The following RGS7BP variants were observed in gnomAD, a reference collection of about 807,000 sequenced individuals.
RGS7BP encodes regulator of G protein signaling 7-binding protein.
In RGS7BP, 9 loss-of-function variants were observed where a neutral mutation model predicts 31.3. That is an observed-to-expected ratio of 0.29 (90% CI 0.17 to 0.50). RGS7BP has a LOEUF of 0.50. Among genes scored for constraint, RGS7BP ranks in the 20% least tolerant of loss-of-function variants. The pLI is 0.98. For synonymous variants in RGS7BP, 115 were observed against 120.1 expected, an observed-to-expected ratio of 0.96 and a Z score of 0.28; for missense variants, 274 against 322.0, an observed-to-expected ratio of 0.85 and a Z score of 1.14.
At chr5:64,532,620 A>G (rs998395645) in intron 2 of RGS7BP, among the ~76,000 whole-genome samples, 1 of 152,246 alleles carries the variant, frequency 6.6e-6, no homozygotes, top group Admixed American at 6.5e-5. Flanking sequence ...TGGTGAAAGT[A>G]AAAGCATCAG....
At chr5:64,594,640 T>C (rs1743013574) in intron 3 of RGS7BP, 70 bp from the exon 4 acceptor site, 1 of 1,482,890 alleles carries the variant, frequency 6.7e-7, no homozygotes, top group African/African-American at 1.4e-5. Context: ...AGCACTGACA[T>C]CCTGCATATA....
chr5:64,553,052 T>TTTA (rs1741832948), intron 2 of RGS7BP, among the ~76,000 whole-genome samples: 1 of 152,160 alleles, frequency 6.6e-6, no homozygotes, highest in Admixed American at 6.5e-5. Context: ...CAGTCCTTAT[T>TTTA]AATGAACCTC....
At chr5:64,520,210 A>G (rs1307930758) in intron 2 of RGS7BP, among the ~76,000 whole-genome samples, 1 of 152,164 alleles carries the variant, frequency 6.6e-6, no homozygotes, top group Non-Finnish European at 1.5e-5. Context: ...TCTTGCCACC[A>G]TATTGGGCTG....
rs530090802 is a variant in RGS7BP at position 64,545,177 on chromosome 5, G to GA, written c.333-30583dup. Among the ~76,000 whole-genome samples the GA allele has an allele frequency of 3.8e-3, 499 of 129,724 alleles. 2 individuals carry two copies. Among genetic ancestry groups the GA allele is most frequent in the South Asian group, 0.017 (67 of 4,004 alleles). 85.1% of individuals were successfully genotyped at this position (129,724 alleles called of 152,430 possible). On this transcript the variant is annotated intron_variant, in intron 2 of 5. Transcript: ENST00000334025. Reference sequence around the variant, plus strand: ...GGTGACAGAGTGAGACAATGTCTTTGAAAAAAAAAAAAAACTCATAGGTAG... The same window carrying GA: ...GGTGACAGAGTGAGACAATGTCTTTGAAAAAAAAAAAAAAACTCATAGGTAG...
chr5:64,518,305 T>C (rs1447885275), intron 2 of RGS7BP, among the ~76,000 whole-genome samples: 2 of 151,278 alleles, frequency 1.3e-5, no homozygotes, highest in Non-Finnish European at 2.9e-5. Flanking sequence ...CTAGGTGCGG[T>C]AGATACAACA....
intron 2 of RGS7BP, among the ~76,000 whole-genome samples, chr5:64,554,830 G>T (rs1415532775): frequency 6.6e-6 from 1 of 151,882 alleles, no homozygotes; most frequent in Admixed American, 6.6e-5. Flanking sequence ...TGAGACAAAA[G>T]AGTATGTAAA....
intron 2 of RGS7BP, among the ~76,000 whole-genome samples, chr5:64,508,296 T>C (rs2111866454): frequency 6.6e-6 from 1 of 152,276 alleles, no homozygotes; most frequent in Admixed American, 6.5e-5. Context: ...ACTAAACTAT[T>C]TATACCATGA....
intron 2 of RGS7BP, among the ~76,000 whole-genome samples, chr5:64,508,553 C>G (rs1356165334): frequency 6.6e-6 from 1 of 152,178 alleles, no homozygotes; most frequent in African/African-American, 2.4e-5. Flanking sequence ...GAAAACTTCT[C>G]TCTTGGGACC....
chr5:64,519,067 A>G (rs1178963825), intron 2 of RGS7BP, among the ~76,000 whole-genome samples: 1 of 152,190 alleles, frequency 6.6e-6, no homozygotes. Flanking sequence ...TCTGCTGAGA[A>G]CACAAATTTC....
At chr5:64,523,397 A>G (rs1217899296) in intron 2 of RGS7BP, among the ~76,000 whole-genome samples, 1 of 152,202 alleles carries the variant, frequency 6.6e-6, no homozygotes. Flanking sequence ...CATGTGAAAT[A>G]CCACTATTTT....
At chr5:64,555,742 T>C (rs145561929) in intron 2 of RGS7BP, among the ~76,000 whole-genome samples, 2 of 152,232 alleles carry the variant, frequency 1.3e-5, no homozygotes, top group East Asian at 3.9e-4. Context: ...AAACAAGAAA[T>C]TGAATTTCAC....
rs113979584 is a variant in RGS7BP at position 64,586,844 on chromosome 5, C to T, written c.464-7866C>T. ...TCCAGAGATGTTGGACTGAACTTAC[C>T]CATATATTTTCCTTCCTGGTGCAAA... On this transcript the variant is annotated intron_variant, in intron 3 of 5. Transcript: ENST00000334025. 4.6e-5 allele frequency among the ~76,000 whole-genome samples: 7 copies of T among 152,212 alleles called. 1 individual carries two copies. The highest frequency in any genetic ancestry group is 1.7e-4 in the African/African-American group (7 of 41,548).
intron 2 of RGS7BP, among the ~76,000 whole-genome samples, chr5:64,565,347 A>G (rs977893827): frequency 4.6e-5 from 7 of 152,088 alleles, no homozygotes; most frequent in African/African-American, 1.7e-4. Context: ...ATATACACAT[A>G]TATATTTGCC....
At chr5:64,561,330 T>C (rs887859376) in intron 2 of RGS7BP, among the ~76,000 whole-genome samples, 4 of 152,194 alleles carry the variant, frequency 2.6e-5, no homozygotes, top group African/African-American at 9.6e-5. Context: ...TTTTATAAAA[T>C]GTATGCTCTC....
intron 2 of RGS7BP, among the ~76,000 whole-genome samples, chr5:64,533,729 T>C (rs781400904): frequency 4.6e-5 from 7 of 152,260 alleles, no homozygotes; most frequent in Non-Finnish European, 1.0e-4. Flanking sequence ...CTTTGTATTT[T>C]GATACAGTGA....
At chr5:64,523,729 G>A (rs534394325) in intron 2 of RGS7BP, among the ~76,000 whole-genome samples, 14 of 152,172 alleles carry the variant, frequency 9.2e-5, no homozygotes, top group Non-Finnish European at 1.8e-4. Context: ...AATTATTAAT[G>A]AAGACCAAAT....
intron 3 of RGS7BP, among the ~76,000 whole-genome samples, chr5:64,582,387 G>C (rs1742623694): frequency 6.6e-6 from 1 of 152,228 alleles, no homozygotes; most frequent in Non-Finnish European, 1.5e-5. Context: ...AAAGAGCAGA[G>C]ATGACAGAAC....
chr5:64,603,654 A>T (rs1168480578), intron 5 of RGS7BP, among the ~76,000 whole-genome samples: 3 of 152,242 alleles, frequency 2.0e-5, no homozygotes, highest in African/African-American at 7.2e-5. Context: ...GGAAGTGTCC[A>T]CAGGATTTAA....
Position 64,506,789 on chromosome 5 carries a change from G to T in RGS7BP, c.165G>T (p.Met55Ile). 4 of 1,553,924 alleles carry T rather than the reference G, an allele frequency of 2.6e-6. No individual in the cohort carries two copies. Among genetic ancestry groups the T allele is most frequent in the Non-Finnish European group, 3.5e-6 (4 of 1,146,234 alleles). ...AACGAGCCCTGGACGACTGCAAGATGGTGGGTGAAAACTGCGCCTCTTTTT... is the reference window on the plus strand; with the variant it reads ...AACGAGCCCTGGACGACTGCAAGATTGTGGGTGAAAACTGCGCCTCTTTTT... ...KTQRALDDCK[M>I]LVQEFNTQVA... The change falls in exon 1 of 6, where the codon ATG becomes ATT. Residue 55 changes from methionine (M) to isoleucine (I), a missense_variant and splice_region_variant. Physicochemically the swap from Met to Ile is conservative, Grantham distance 10. Around this residue, in one of 3 missense-constraint regions of RGS7BP, gnomAD observed 149 missense variants for 152.6 expected, o/e 0.98. Coordinates refer to ENST00000334025, the MANE Select transcript of RGS7BP (RefSeq NM_001029875.3). The surrounding 1 kb of genome is among the most constrained non-coding windows in gnomAD (Gnocchi z 4.6).
Sources: gnomAD v4.1 joint callset for allele counts (sites outside exome capture counted in the v4.1 genomes callset) on GRCh38, gnomAD v4.1.1 for gene constraint, gnomAD v4.1.1 regional missense constraint, Gnocchi (gnomAD v3.1) non-coding constraint, MANE v1.5 for transcripts, NCBI Gene and HGNC (gene_info 2026-07-23, HGNC 2026-07-21) for gene names.